The following PDE4D variants were observed in gnomAD, a reference collection of about 807,000 sequenced individuals.
The protein encoded by PDE4D is phosphodiesterase 4D.
PDE4D carries 24 observed loss-of-function variants against 87.4 expected under a neutral mutation model. The observed-to-expected ratio is 0.27, with a 90% CI of 0.20 to 0.39. The LOEUF (loss-of-function observed/expected upper bound fraction) is 0.39, where lower values mean the gene tolerates loss of function less well. PDE4D is among the 10% of genes least tolerant of loss of function. The probability of loss-of-function intolerance (pLI) is 1.00; values close to 1 mark genes in which losing one functional copy is unlikely to be tolerated. For missense variants in PDE4D, 714 were observed against 1,041.0 expected (o/e 0.69, Z 4.32); for synonymous variants, 384 against 383.2 (o/e 1.00, Z -0.02).
intron 1 of PDE4D, among the ~76,000 whole-genome samples, chr5:60,520,163 C>T (rs2150265644): frequency 6.6e-6 from 1 of 152,226 alleles, no homozygotes; most frequent in East Asian, 1.9e-4. Context: ...GACATAGGTG[C>T]CCTGTTATGG....
rs180751965 is a variant in PDE4D, at chr5:60,035,149, G to A, written c.43-46432C>T. ...CGTATGCCTGTAGTCCCAGCTACTCGGGAGGCTGAGGCAGGAGAATTGCTT... is the reference window on the plus strand; with the variant it reads ...CGTATGCCTGTAGTCCCAGCTACTCAGGAGGCTGAGGCAGGAGAATTGCTT... On this transcript the variant is annotated intron_variant, in intron 2 of 16. Coordinates refer to the PDE4D transcript ENST00000502484. 6.6e-5 allele frequency among the ~76,000 whole-genome samples: 10 copies of A among 152,100 alleles called. No individual in the cohort carries two copies. The East Asian group carries it at 1.4e-3, about 21-fold the overall frequency.
intron 1 of PDE4D, among the ~76,000 whole-genome samples, chr5:59,780,835 C>T (rs4699943): frequency 0.18 from 26,621 of 152,076 alleles, 3,060 homozygotes; most frequent in South Asian, 0.26. Flanking sequence ...GAGCCTGAGG[C>T]GAGCCAACCA....
chr5:59,482,292 G>T (rs1431991491), intron 1 of PDE4D, among the ~76,000 whole-genome samples: 3 of 152,136 alleles, frequency 2.0e-5, no homozygotes, highest in Non-Finnish European at 4.4e-5. Flanking sequence ...ATTAAGTGAT[G>T]ATGTGTTTGT....
At chr5:60,032,075 CAG>C (rs1450115448) in intron 2 of PDE4D, among the ~76,000 whole-genome samples, 1 of 151,910 alleles carries the variant, frequency 6.6e-6, no homozygotes, top group Non-Finnish European at 1.5e-5. Context: ...ACTTCAAAAA[CAG>C]AAGAATTTAG....
intron 1 of PDE4D, among the ~76,000 whole-genome samples, chr5:59,353,708 C>T (rs551085822): frequency 4.3e-4 from 65 of 152,174 alleles, no homozygotes; most frequent in African/African-American, 1.2e-3. Context: ...CCTCCTTCCA[C>T]GGCCCTGCTC....
chr5:60,013,810 T>C (rs1317696167), intron 2 of PDE4D, among the ~76,000 whole-genome samples: 2 of 152,142 alleles, frequency 1.3e-5, no homozygotes, highest in African/African-American at 2.4e-5. Context: ...TGCTTGCACA[T>C]TGGGCAGGCC....
At chr5:59,225,154 T>G (rs902502110) in intron 1 of PDE4D, among the ~76,000 whole-genome samples, 4 of 152,226 alleles carry the variant, frequency 2.6e-5, no homozygotes, top group Admixed American at 2.6e-4. Context: ...GTGTTATAAT[T>G]AAGTCTTGAG....
chr5:59,623,901 A>G (rs1190683607), intron 1 of PDE4D, among the ~76,000 whole-genome samples: 1 of 152,244 alleles, frequency 6.6e-6, no homozygotes. Context: ...ATGATAGTAA[A>G]AAATAGCTAA....
Position 60,410,066 on chromosome 5 carries a change from G to A in PDE4D, c.-90+77876C>T, listed in dbSNP as rs573881582. Among the ~76,000 whole-genome samples, 36 of 152,278 alleles carry A rather than the reference G, an allele frequency of 2.4e-4. 1 individual carries two copies. The highest frequency in any genetic ancestry group is 2.0e-3 in the Admixed American group (30 of 15,290). On this transcript the variant is annotated intron_variant, in intron 1 of 16. Transcript: ENST00000502484. ...AGGGAGTTAGGCAGAGGGAGGCCTC[G>A]ATGTTTAGCTTTTCTGAGCAGCTCT...
intron 5 of PDE4D, among the ~76,000 whole-genome samples, chr5:59,071,435 C>T (rs1421287500): frequency 6.6e-6 from 1 of 151,520 alleles, no homozygotes; most frequent in East Asian, 1.9e-4. Flanking sequence ...TATTTTTGCT[C>T]CATTTCCATA....
At chr5:59,797,064 G>A (rs1766568633) in intron 1 of PDE4D, 1 of 150,920 alleles carries the variant, frequency 6.6e-6, no homozygotes, top group South Asian at 2.1e-4. Context: ...ATATACCTGA[G>A]CCGTTGCATC....
Position 59,780,401 on chromosome 5 carries a change from C to G in PDE4D, c.455+112767G>C, listed in dbSNP as rs534177113. On this transcript the variant is annotated intron_variant, in intron 1 of 14. Transcript: ENST00000340635. ...TCAATGTTCAATTTTAGCTCTTTAA[C>G]AATTTTAGTTGACCAAGCATTTCCC... Among the ~76,000 whole-genome samples the G allele has an allele frequency of 2.0e-5, 3 of 152,312 alleles. No individual in the cohort carries two copies. The South Asian group carries it at 6.2e-4, about 32-fold the overall frequency.
intron 1 of PDE4D, among the ~76,000 whole-genome samples, chr5:59,630,190 G>C (rs180964888): frequency 6.6e-6 from 1 of 152,098 alleles, no homozygotes; most frequent in African/African-American, 2.4e-5. Context: ...ACGCACATAC[G>C]TCTATATATA....
At chr5:60,501,542 T>C (rs1750078233) in intron 1 of PDE4D, among the ~76,000 whole-genome samples, 1 of 151,200 alleles carries the variant, frequency 6.6e-6, no homozygotes. Flanking sequence ...GGTCAAATGG[T>C]ATTTCTAGTT....
chr5:59,366,630 C>G (rs1217975886), intron 1 of PDE4D, among the ~76,000 whole-genome samples: 1 of 152,022 alleles, frequency 6.6e-6, no homozygotes, highest in Non-Finnish European at 1.5e-5. Context: ...ATTTATAAAT[C>G]AAGAGATGTT....
chr5:60,415,129 T>C (rs1679941233), intron 1 of PDE4D, among the ~76,000 whole-genome samples: 1 of 152,262 alleles, frequency 6.6e-6, no homozygotes, highest in African/African-American at 2.4e-5. Context: ...CTCATTAATG[T>C]GCATGGGTTC....
chr5:59,381,288 C>T (rs1391126298), intron 1 of PDE4D, among the ~76,000 whole-genome samples: 3 of 151,982 alleles, frequency 2.0e-5, no homozygotes, highest in Non-Finnish European at 2.9e-5. Context: ...CTGATGACTT[C>T]GATATTAATA....
intron 1 of PDE4D, among the ~76,000 whole-genome samples, chr5:60,342,333 A>G (rs73106775): frequency 0.2 from 30,524 of 152,146 alleles, 4,595 homozygotes; most frequent in African/African-American, 0.43. Flanking sequence ...AGATGTCAAC[A>G]TTACCATGTA....
At chr5:59,703,714 T>G in intron 1 of PDE4D, 1 of 463,824 alleles carries the variant, frequency 2.2e-6, no homozygotes, top group Non-Finnish European at 4.5e-6. Context: ...TGACTTGTTG[T>G]GGTCTACTAG....
Sources: gnomAD v4.1 joint callset for allele counts (sites outside exome capture counted in the v4.1 genomes callset) on GRCh38, gnomAD v4.1.1 for gene constraint, MANE v1.5 for transcripts, NCBI Gene and HGNC (gene_info 2026-07-23, HGNC 2026-07-21) for gene names.